The following TTC34 variants were observed in gnomAD, a reference collection of about 807,000 sequenced individuals.
TTC34 encodes tetratricopeptide repeat domain 34.
In TTC34, 44 loss-of-function variants were observed where a neutral mutation model predicts 40.7. The observed-to-expected ratio is 1.08, with a 90% CI of 0.85 to 1.39. The LOEUF is 1.39. Among genes scored for constraint, TTC34 ranks in the 40% most tolerant of loss-of-function variants. The pLI is 0.00. For missense variants in TTC34, 884 were observed against 838.0 expected, an observed-to-expected ratio of 1.05 and a Z score of -0.68; for synonymous variants, 422 against 398.6, an observed-to-expected ratio of 1.06 and a Z score of -0.70.
rs7544898 is a variant in TTC34, at chr1:2,695,055, A to T, written c.2227-49492T>A. 4.9e-4 allele frequency among the ~76,000 whole-genome samples: 51 copies of T among 104,870 alleles called. 3 individuals carry two copies. Among genetic ancestry groups the T allele is most frequent in the African/African-American group, 1.5e-3 (46 of 30,302 alleles). 68.8% of individuals were successfully genotyped at this position (104,870 alleles called of 152,430 possible). ...GCACCCCCAGGTGAGCATCTGACAC[A>T]CTGAAACAGCACACACACCCCCAGG... is the stretch of plus-strand genomic sequence containing the variant. On this transcript the variant is annotated intron_variant, in intron 6 of 8. Transcript: ENST00000401095.
rs185258770 is a variant in TTC34, at chr1:2,649,662, C to G, written c.2227-4099G>C. The stretch of plus-strand genomic sequence containing the variant: ...TTAATCGATTCTCCTGCCTCAGCCT[C>G]CTGAGTAGCTGCGACTACAGGCTGA... On this transcript the variant is annotated intron_variant, in intron 6 of 8. Transcript: ENST00000401095. 4.6e-4 allele frequency among the ~76,000 whole-genome samples: 70 copies of G among 152,318 alleles called. 1 individual carries two copies. The East Asian group carries it at 0.013, about 27-fold the overall frequency.
intron 6 of TTC34, among the ~76,000 whole-genome samples, chr1:2,751,076 A>T (rs1217015709): frequency 2.0e-5 from 2 of 98,758 alleles, no homozygotes; most frequent in African/African-American, 9.8e-5. Context: ...AGACTGGAAC[A>T]CCTCCCACAT....
At chr1:2,683,442 A>G (rs1458519584) in intron 6 of TTC34, among the ~76,000 whole-genome samples, 5,511 of 118,204 alleles carry the variant, frequency 0.047, no homozygotes, top group African/African-American at 0.11. Context: ...CCCCCAGGTG[A>G]GCATCCGACA....
At chr1:2,637,990 C>G (rs1264624392) in exon 9 of TTC34, 1 of 152,182 alleles carries the variant, frequency 6.6e-6, no homozygotes, top group African/African-American at 2.4e-5. Flanking sequence ...CCCCCTGGTT[C>G]TCTGAGCCTC....
rs939548460 is a variant in TTC34 at position 2,783,602 on chromosome 1, G to A, written c.2226+7C>T. ...TGCCCAGGCCCAGGTCAGGAGTGGG[G>A]CGGCACCTGCAGCTGGTCTAGGGCC... is the stretch of plus-strand genomic sequence containing the variant. On this transcript the variant is annotated splice_region_variant and intron_variant, in intron 6 of 8. Coordinates refer to ENST00000401095, the Ensembl canonical transcript of TTC34. 7.1e-6 allele frequency: 10 copies of A among 1,409,196 alleles called. No individual in the cohort carries two copies. The highest frequency in any genetic ancestry group is 9.4e-6 in the Non-Finnish European group (10 of 1,064,618). The allele number at this position is 1,409,196 out of a possible 1,614,324, so 87.3% of individuals were successfully genotyped here.
At chr1:2,693,557 G>C (rs367677941) in intron 6 of TTC34, among the ~76,000 whole-genome samples, 1 of 126,918 alleles carries the variant, frequency 7.9e-6, no homozygotes, top group East Asian at 2.4e-4. Context: ...CCCCAGGTGA[G>C]CATCTGATGG....
At chr1:2,779,982 C>T (rs913850324) in intron 6 of TTC34, among the ~76,000 whole-genome samples, 4 of 152,090 alleles carry the variant, frequency 2.6e-5, no homozygotes, top group Non-Finnish European at 4.4e-5. Flanking sequence ...GGCGTGGGGT[C>T]GCCCACCTGT....
chr1:2,676,825 CGGCCTGG>C (rs1639918198), intron 6 of TTC34, among the ~76,000 whole-genome samples: 1 of 6,048 alleles, frequency 1.7e-4, no homozygotes, highest in Non-Finnish European at 3.4e-4. Context: ...GAGCATCTGA[CGGCCTGG>C]AACAGCACCC....
At chr1:2,786,712 G>A (rs1164572156) in intron 4 of TTC34, among the ~76,000 whole-genome samples, 3 of 152,176 alleles carry the variant, frequency 2.0e-5, no homozygotes, top group South Asian at 2.1e-4. Flanking sequence ...AGCCCAGCAC[G>A]GCCAAGTAGG....
chr1:2,681,079 T>A (rs796446178), intron 6 of TTC34, among the ~76,000 whole-genome samples: 270 of 40,572 alleles, frequency 6.7e-3, no homozygotes, highest in South Asian at 9.7e-3. Context: ...GGCGAGCATC[T>A]GACAGCCTAG....
At chr1:2,768,038 C>G (rs529767055) in intron 6 of TTC34, among the ~76,000 whole-genome samples, 4 of 151,378 alleles carry the variant, frequency 2.6e-5, no homozygotes, top group Non-Finnish European at 5.9e-5. Flanking sequence ...AAAACAGCAC[C>G]CCACAACCCC....
intron 6 of TTC34, among the ~76,000 whole-genome samples, chr1:2,752,940 G>C (rs1381755326): frequency 2.2e-4 from 31 of 139,176 alleles, no homozygotes; most frequent in African/African-American, 8.6e-4. Context: ...CACAACCCCA[G>C]GTGAGCATCC....
At chr1:2,775,238 A>G (rs1642997601) in intron 6 of TTC34, 1 of 149,750 alleles carries the variant, frequency 6.7e-6, no homozygotes, top group African/African-American at 2.5e-5. Flanking sequence ...CCCCCAGGCG[A>G]GCATCTGACT....
chr1:2,785,746 C>A, intron 5 of TTC34, 73 bp downstream of exon 5: 1 of 1,463,360 alleles, frequency 6.8e-7, no homozygotes, highest in Non-Finnish European at 9.1e-7. Flanking sequence ...CACCAACCAG[C>A]ATGGCAGAGA....
intron 5 of TTC34, among the ~76,000 whole-genome samples, chr1:2,784,376 A>C (rs1418365163): frequency 6.6e-6 from 1 of 152,208 alleles, no homozygotes; most frequent in Non-Finnish European, 1.5e-5. Context: ...AGGAACATGA[A>C]AGTGGACAAG....
chr1:2,684,556 A>T (rs80056112), intron 6 of TTC34, among the ~76,000 whole-genome samples: 2 of 77,208 alleles, frequency 2.6e-5, no homozygotes, highest in African/African-American at 1.5e-4. Context: ...AGCTCCCACA[A>T]CCCCAGGTGA....
chr1:2,797,417 T>C (rs941959884), intron 2 of TTC34, among the ~76,000 whole-genome samples: 1 of 152,144 alleles, frequency 6.6e-6, no homozygotes, highest in African/African-American at 2.4e-5. Flanking sequence ...CCTGCCTCTG[T>C]CGGGAGCCTT....
chr1:2,756,968 A>T (rs1393581838), intron 6 of TTC34, among the ~76,000 whole-genome samples: 1 of 119,420 alleles, frequency 8.4e-6, no homozygotes, highest in Non-Finnish European at 1.7e-5. Flanking sequence ...CATCTGACAG[A>T]CTGGAACAGC....
chr1:2,694,273 C>G (rs1451826294), intron 6 of TTC34, among the ~76,000 whole-genome samples: 2 of 136,524 alleles, frequency 1.5e-5, no homozygotes, highest in East Asian at 2.1e-4. Context: ...CCCACACCCC[C>G]AGGTGAGCAT....
Sources: gnomAD v4.1 joint callset for allele counts (sites outside exome capture counted in the v4.1 genomes callset) on GRCh38, gnomAD v4.1.1 for gene constraint, MANE v1.5 for transcripts, NCBI Gene and HGNC (gene_info 2026-07-23, HGNC 2026-07-21) for gene names.